The following PGM2 variants were observed in gnomAD, a reference collection of about 807,000 sequenced individuals.
PGM2 encodes phosphopentomutase.
PGM2 carries 57 observed loss-of-function variants against 74.6 expected under a neutral mutation model. The observed-to-expected ratio is 0.76, with a 90% CI of 0.62 to 0.95. PGM2 has a LOEUF of 0.95. PGM2 is among the 40% of genes least tolerant of loss of function. The pLI is 0.00. For synonymous variants in PGM2, 273 were observed against 260.7 expected (o/e 1.05, Z -0.46); for missense variants, 706 against 741.9 (o/e 0.95, Z 0.56).
intron 1 of PGM2, 37 bp from the exon 2 acceptor site, chr4:37,829,927 A>G: frequency 7.3e-7 from 1 of 1,364,168 alleles, no homozygotes; most frequent in Non-Finnish European, 9.9e-7. Flanking sequence ...TTTTTCATTC[A>G]CTTGTCTGGC....
intron 7 of PGM2, among the ~76,000 whole-genome samples, chr4:37,845,282 AT>A (rs1456729815): frequency 6.6e-6 from 1 of 152,158 alleles, no homozygotes; most frequent in Non-Finnish European, 1.5e-5. Flanking sequence ...CATTCAGAGA[AT>A]CAGTTTATTT....
At chr4:37,841,158 T>TTGTGTGTGTGTGTGTGTGTGTGTG (rs34512739) in intron 6 of PGM2, among the ~76,000 whole-genome samples, 1 of 101,456 alleles carries the variant, frequency 9.9e-6, no homozygotes, top group Non-Finnish European at 1.8e-5. Context: ...ATAGGAATAT[T>TTGTGTGTGTGTGTGTGTGTGTGTG]TGTGTGTGTG....
At chr4:37,856,317 G>A (rs951873837) in intron 13 of PGM2, among the ~76,000 whole-genome samples, 8 of 152,118 alleles carry the variant, frequency 5.3e-5, no homozygotes, top group East Asian at 1.9e-4. Flanking sequence ...CCTGGTAGGC[G>A]GAGCTTGCAG....
intron 6 of PGM2, among the ~76,000 whole-genome samples, chr4:37,844,137 C>G (rs779252386): frequency 4.6e-5 from 7 of 151,920 alleles, no homozygotes; most frequent in Non-Finnish European, 8.8e-5. Flanking sequence ...ATGCATAAAA[C>G]AAAACCTGAA....
At position 37,837,558 on chromosome 4, in the gene PGM2, T is replaced by G; in HGVS notation, c.386T>G (p.Ile129Ser). Residue 129 changes from isoleucine to serine, a missense_variant, in exon 4 of 14, where the codon ATC becomes AGC. Ile to Ser is a moderately radical substitution (Grantham distance 142). Coordinates refer to ENST00000381967, the MANE Select transcript of PGM2 (RefSeq NM_018290.4). ...RFARLAATTF[I>S]SQGIPVYLFS... ...GCCCGACTTGCTGCAACCACATTTA[T>G]CAGTCAGGGGATTCCTGTGTACCTC... is the stretch of plus-strand genomic sequence containing the variant. 1 of 1,613,464 alleles carries G rather than the reference T, an allele frequency of 6.2e-7. No homozygotes were observed. Among genetic ancestry groups the G allele is most frequent in the Admixed American group, 1.7e-5 (1 of 60,012 alleles).
In PGM2 at chr4:37,858,481, T is replaced by C. The variant is rs993970580; in HGVS notation, c.1736+2740T>C. ...CCTCCTGAGTAGCTGAGATTACAGATATGCACCACCACACCCAGCTAATTT... is the reference window on the plus strand; with the variant it reads ...CCTCCTGAGTAGCTGAGATTACAGACATGCACCACCACACCCAGCTAATTT... On this transcript the variant is annotated intron_variant, in intron 13 of 13. Transcript: ENST00000381967. Among the ~76,000 whole-genome samples, 103 of 151,412 alleles carry C rather than the reference T, an allele frequency of 6.8e-4. 1 individual carries two copies. The highest frequency in any genetic ancestry group is 9.3e-4 in the Non-Finnish European group (63 of 67,878).
chr4:37,840,045 A>C, intron 5 of PGM2, 21 bp from the exon 6 acceptor site: 1 of 1,599,166 alleles, frequency 6.3e-7, no homozygotes, highest in African/African-American at 1.3e-5. Context: ...AACCTTCTGA[A>C]TGTGTTCCTG....
Position 37,861,499 on chromosome 4 carries a change from T to G in PGM2, c.1737-11T>G, listed in dbSNP as rs758241346. 1.4e-5 allele frequency: 22 copies of G among 1,587,874 alleles called. No individual in the cohort carries two copies. The highest frequency in any genetic ancestry group is 1.0e-5 in the Non-Finnish European group (12 of 1,156,738). On this transcript the variant is annotated splice_polypyrimidine_tract_variant and intron_variant, in intron 13 of 13. Coordinates refer to ENST00000381967, the MANE Select transcript of PGM2 (RefSeq NM_018290.4). Reference sequence around the variant, plus strand: ...CCCTTGACCTGGATTTTTTTCCCCCTTATTTTCCAGTGATCCTGAGCAGCT... The same window carrying G: ...CCCTTGACCTGGATTTTTTTCCCCCGTATTTTCCAGTGATCCTGAGCAGCT...
intron 12 of PGM2, among the ~76,000 whole-genome samples, chr4:37,854,996 T>G (rs1726155853): frequency 6.6e-6 from 1 of 152,242 alleles, no homozygotes; most frequent in African/African-American, 2.4e-5. Flanking sequence ...TCAAGTTAAT[T>G]AGAATGTGTT....
At chr4:37,832,103 T>C (rs1725457152) in intron 2 of PGM2, among the ~76,000 whole-genome samples, 1 of 152,328 alleles carries the variant, frequency 6.6e-6, no homozygotes, top group Non-Finnish European at 1.5e-5. Context: ...ACATAGATGA[T>C]CAATATTCTA....
At chr4:37,846,441 A>G (rs1350834298) in intron 8 of PGM2, among the ~76,000 whole-genome samples, 1 of 152,214 alleles carries the variant, frequency 6.6e-6, no homozygotes, top group Admixed American at 6.5e-5. Context: ...CTGGACTGCC[A>G]AGAGAAGCAG....
chr4:37,849,582 A>G (rs1725978648), intron 11 of PGM2, among the ~76,000 whole-genome samples: 1 of 150,650 alleles, frequency 6.6e-6, no homozygotes, highest in South Asian at 2.1e-4. Flanking sequence ...TGATTTTTGT[A>G]CTTTTAGTAG....
At chr4:37,835,892 T>C (rs1725555642) in intron 3 of PGM2, among the ~76,000 whole-genome samples, 1 of 152,240 alleles carries the variant, frequency 6.6e-6, no homozygotes. Flanking sequence ...CTCTGGGGGA[T>C]AGATGCACAT....
At chr4:37,858,515 T>G (rs1294937736) in intron 13 of PGM2, among the ~76,000 whole-genome samples, 1 of 146,616 alleles carries the variant, frequency 6.8e-6, no homozygotes, top group African/African-American at 2.5e-5. Context: ...TTTTTGGTGT[T>G]TTTTTTTTTT....
chr4:37,842,172 CA>C (rs1725747504), intron 6 of PGM2, among the ~76,000 whole-genome samples: 1 of 148,282 alleles, frequency 6.7e-6, no homozygotes, highest in African/African-American at 2.5e-5. Context: ...TACATATATA[CA>C]TATTATATAT....
chr4:37,838,861 A>G (rs1422082448), intron 4 of PGM2, among the ~76,000 whole-genome samples: 1 of 152,118 alleles, frequency 6.6e-6, no homozygotes, highest in African/African-American at 2.4e-5. Flanking sequence ...AACACCTGAG[A>G]GATGTGACAT....
chr4:37,838,092 G>A (rs771934862), intron 4 of PGM2, among the ~76,000 whole-genome samples: 3 of 152,136 alleles, frequency 2.0e-5, no homozygotes, highest in South Asian at 2.1e-4. Flanking sequence ...CGTTGGCCAC[G>A]CTAGTCTCGA....
rs1725811793 is a variant in PGM2, at chr4:37,844,469, T to G, written c.825T>G (p.Pro275=). 6.2e-7 allele frequency: 1 copy of G among 1,613,536 alleles called. No individual in the cohort carries two copies. The highest frequency in any genetic ancestry group is 1.3e-5 in the African/African-American group (1 of 75,036). The change falls in exon 7 of 14, where the codon CCT becomes CCG. Residue 275 remains proline, a synonymous_variant. Transcript: ENST00000381967. ...SAFKAFDLVP[P]EAVPEQKDPD... ...TCAAGGCTTTTGACCTTGTTCCTCC[T>G]GAGGCTGTTCCTGAACAGAAAGATC... is the stretch of plus-strand genomic sequence containing the variant.
In PGM2 at chr4:37,840,101, T is replaced by C. The variant is rs562869938; in HGVS notation, c.561T>C (p.Pro187=). Residue 187 remains proline, a synonymous_variant, in exon 6 of 14, where the codon CCT becomes CCC. Coordinates refer to ENST00000381967, the MANE Select transcript of PGM2 (RefSeq NM_018290.4). The part of the protein sequence containing the change: ...YWDNGAQIIS[P]HDKGISQAIE... The stretch of plus-strand genomic sequence containing the variant: ...ATAATGGAGCTCAGATCATTTCTCC[T>C]CACGATAAAGGGATTTCTCAAGCTA... 6 of 1,614,028 alleles carry C rather than the reference T, an allele frequency of 3.7e-6. No individual in the cohort carries two copies. In the South Asian group the frequency reaches 6.6e-5, roughly 18 times the overall value.
Sources: gnomAD v4.1 joint callset for allele counts (sites outside exome capture counted in the v4.1 genomes callset) on GRCh38, gnomAD v4.1.1 for gene constraint, MANE v1.5 for transcripts, NCBI Gene and HGNC (gene_info 2026-07-23, HGNC 2026-07-21) for gene names.